The following RSRC1 variants were observed in gnomAD, a reference collection of about 807,000 sequenced individuals.
RSRC1 encodes serine/Arginine-related protein 53.
RSRC1 carries 39 observed loss-of-function variants against 49.1 expected under a neutral mutation model. The ratio of observed to expected loss-of-function variants is 0.79; its 90% CI spans 0.61 to 1.04. The LOEUF is 1.04. Among genes scored for constraint, RSRC1 ranks in the 50% least tolerant of loss-of-function variants. The probability of loss-of-function intolerance (pLI) is 0.00; values close to 1 mark genes in which losing one functional copy is unlikely to be tolerated. For synonymous variants in RSRC1, 143 were observed against 130.8 expected, an observed-to-expected ratio of 1.09 and a Z score of -0.63; for missense variants, 388 against 402.4, an observed-to-expected ratio of 0.96 and a Z score of 0.31.
intron 4 of RSRC1, among the ~76,000 whole-genome samples, chr3:158,248,874 T>C (rs574351158): frequency 6.8e-6 from 1 of 147,288 alleles, no homozygotes; most frequent in African/African-American, 2.5e-5. Context: ...TTTAAGAAAC[T>C]GCAAAATAGT....
At chr3:158,194,001 C>T (rs980794712) in intron 3 of RSRC1, among the ~76,000 whole-genome samples, 1 of 151,544 alleles carries the variant, frequency 6.6e-6, no homozygotes, top group African/African-American at 2.4e-5. Flanking sequence ...AGGAGGATCA[C>T]TTGAAGCTAG....
At chr3:158,229,238 G>C (rs1722768737) in intron 4 of RSRC1, among the ~76,000 whole-genome samples, 1 of 150,298 alleles carries the variant, frequency 6.7e-6, no homozygotes, top group Admixed American at 6.6e-5. Flanking sequence ...ATATGTGTAT[G>C]TATGTATATA....
intron 5 of RSRC1, among the ~76,000 whole-genome samples, chr3:158,321,144 A>G (rs1048925353): frequency 6.6e-6 from 1 of 151,390 alleles, no homozygotes; most frequent in Non-Finnish European, 1.5e-5. Flanking sequence ...CCTCTTCATC[A>G]CTTCTCCTTC....
intron 6 of RSRC1, among the ~76,000 whole-genome samples, chr3:158,447,532 T>C (rs941205213): frequency 2.0e-5 from 3 of 151,992 alleles, no homozygotes; most frequent in African/African-American, 7.2e-5. Flanking sequence ...GCCATGATAG[T>C]AATGAAAAGA....
intron 6 of RSRC1, among the ~76,000 whole-genome samples, chr3:158,393,056 A>G (rs895885202): frequency 6.6e-5 from 10 of 152,022 alleles, no homozygotes; most frequent in Non-Finnish European, 1.5e-4. Flanking sequence ...AAATTAAACA[A>G]CCTGCTTCTT....
At position 158,122,181 on chromosome 3, in the gene RSRC1, C is replaced by T. The variant is rs544354469; in HGVS notation, c.77C>T (p.Ser26Leu). ...RKKKHRRRSS[S>L]SSSSDSRTYS... Reference sequence around the variant, plus strand: ...AAGAAACACCGTAGACGGTCCTCCTCGAGCAGTTCTTCAGATAGTAGAACA... The same window carrying T: ...AAGAAACACCGTAGACGGTCCTCCTTGAGCAGTTCTTCAGATAGTAGAACA... The change falls in exon 2 of 10, where the codon TCG (serine) becomes TTG (leucine). Residue 26 changes from serine (S) to leucine (L), a missense_variant. Transcript: ENST00000611884. The T allele has an allele frequency of 5.0e-6, 8 of 1,603,954 alleles. No individual in the cohort carries two copies. Among genetic ancestry groups the T allele is most frequent in the East Asian group, 4.6e-5 (2 of 43,920 alleles).
At chr3:158,329,247 A>G (rs1729389225) in intron 5 of RSRC1, among the ~76,000 whole-genome samples, 1 of 152,230 alleles carries the variant, frequency 6.6e-6, no homozygotes, top group Non-Finnish European at 1.5e-5. Flanking sequence ...CGTCAAAGTC[A>G]TTCTGCATCC....
At chr3:158,432,138 A>G (rs1735797994) in intron 6 of RSRC1, among the ~76,000 whole-genome samples, 1 of 151,910 alleles carries the variant, frequency 6.6e-6, no homozygotes, top group Non-Finnish European at 1.5e-5. Context: ...GCCTGCCACT[A>G]ATGAAAGAGA....
chr3:158,445,818 A>T (rs1286548796), intron 6 of RSRC1, among the ~76,000 whole-genome samples: 1 of 152,164 alleles, frequency 6.6e-6, no homozygotes, highest in Non-Finnish European at 1.5e-5. Flanking sequence ...ACATCAATGT[A>T]AACAATATAA....
At chr3:158,255,375 A>G (rs1030780305) in intron 4 of RSRC1, among the ~76,000 whole-genome samples, 12 of 152,146 alleles carry the variant, frequency 7.9e-5, no homozygotes, top group African/African-American at 2.7e-4. Context: ...AGATCATTGT[A>G]GATGTGTTGT....
intron 3 of RSRC1, among the ~76,000 whole-genome samples, chr3:158,126,108 A>G (rs1715608243): frequency 6.6e-6 from 1 of 152,038 alleles, no homozygotes; most frequent in African/African-American, 2.4e-5. Context: ...CATCTTTTGT[A>G]AACAGCATAT....
chr3:158,416,843 G>A (rs1332884083), intron 6 of RSRC1, among the ~76,000 whole-genome samples: 20 of 151,772 alleles, frequency 1.3e-4, no homozygotes, highest in Admixed American at 1.3e-3. Context: ...GTAATTCTCA[G>A]AACTTACCTT....
At chr3:158,350,179 A>AAAATT (rs1553790811) in intron 5 of RSRC1, among the ~76,000 whole-genome samples, 1 of 126,560 alleles carries the variant, frequency 7.9e-6, no homozygotes, top group Non-Finnish European at 1.6e-5. Context: ...TATATATATA[A>AAAATT]TTTTTTTTTT....
intron 4 of RSRC1, among the ~76,000 whole-genome samples, chr3:158,230,935 G>A (rs772055108): frequency 6.6e-6 from 1 of 152,032 alleles, no homozygotes; most frequent in Non-Finnish European, 1.5e-5. Context: ...ACTGTCACAC[G>A]TCCTTTCTCC....
chr3:158,434,409 A>G (rs1735935296), intron 6 of RSRC1, among the ~76,000 whole-genome samples: 1 of 151,982 alleles, frequency 6.6e-6, no homozygotes, highest in African/African-American at 2.4e-5. Context: ...AAAGCTATTC[A>G]TCGTGCTGAA....
chr3:158,267,533 T>A (rs969941513), intron 4 of RSRC1, among the ~76,000 whole-genome samples: 3 of 152,050 alleles, frequency 2.0e-5, no homozygotes, highest in Non-Finnish European at 2.9e-5. Flanking sequence ...CCTCTTCATT[T>A]AAAAAAATTT....
intron 7 of RSRC1, among the ~76,000 whole-genome samples, chr3:158,484,674 T>C (rs1044529352): frequency 2.0e-5 from 3 of 152,148 alleles, no homozygotes; most frequent in Admixed American, 1.3e-4. Context: ...AAATATTCAA[T>C]GCATGATTCC....
intron 5 of RSRC1, among the ~76,000 whole-genome samples, chr3:158,319,121 GT>G (rs1728619726): frequency 6.6e-6 from 1 of 152,044 alleles, no homozygotes; most frequent in Non-Finnish European, 1.5e-5. Flanking sequence ...GTCTGATATG[GT>G]TTGGCTCCAC....
At chr3:158,288,881 A>G (rs901540836) in intron 4 of RSRC1, among the ~76,000 whole-genome samples, 2 of 112,444 alleles carry the variant, frequency 1.8e-5, no homozygotes, top group Admixed American at 2.8e-4. Context: ...GGTTGACTTC[A>G]TTGTTGTGGA....
Sources: allele counts gnomAD v4.1 joint callset (sites outside exome capture counted in the v4.1 genomes callset), GRCh38; gene constraint gnomAD v4.1.1; transcripts MANE v1.5; gene names NCBI Gene and HGNC (gene_info 2026-07-23, HGNC 2026-07-21).